AXDND1: variants seen among roughly 807,000 people sequenced by gnomAD.
AXDND1 encodes the protein axonemal dynein light chain domain containing 1.
Under a neutral mutation model 137.5 loss-of-function variants are expected in AXDND1, and 110 were observed. That is an observed-to-expected ratio of 0.80 (90% CI 0.69 to 0.94). AXDND1 has a LOEUF of 0.94. Ranked by LOEUF, AXDND1 falls within the 40% of genes least tolerant of loss-of-function variation. The pLI, the probability that AXDND1 is intolerant of heterozygous loss-of-function variation, is 0.00. For missense variants in AXDND1, 1,191 were observed against 1,169.8 expected (o/e 1.02, Z -0.26); for synonymous variants, 414 against 399.7 (o/e 1.04, Z -0.43).
intron 25 of AXDND1, among the ~76,000 whole-genome samples, chr1:179,549,638 CCTTCTT>C (rs1673007374): frequency 6.6e-6 from 1 of 152,076 alleles, no homozygotes; most frequent in Non-Finnish European, 1.5e-5. Context: ...CATGACTCTA[CCTTCTT>C]CTTCATTACA....
intron 20 of AXDND1, among the ~76,000 whole-genome samples, chr1:179,496,867 G>A (rs567513891): frequency 6.6e-6 from 1 of 152,092 alleles, no homozygotes; most frequent in East Asian, 1.9e-4. Flanking sequence ...TGTTTTAGCT[G>A]CATCTCACAG....
chr1:179,549,230 G>T (rs928260673), intron 25 of AXDND1, among the ~76,000 whole-genome samples: 1 of 152,166 alleles, frequency 6.6e-6, no homozygotes, highest in Non-Finnish European at 1.5e-5. Flanking sequence ...CAGCACCTGG[G>T]TCAGCTCACC....
chr1:179,445,807 C>A (rs1659657066), intron 16 of AXDND1, among the ~76,000 whole-genome samples: 1 of 152,158 alleles, frequency 6.6e-6, no homozygotes, highest in Non-Finnish European at 1.5e-5. Flanking sequence ...CTGACATAGA[C>A]ATTTATTACA....
intron 20 of AXDND1, among the ~76,000 whole-genome samples, chr1:179,497,907 C>A (rs116264169): frequency 3.9e-5 from 6 of 152,040 alleles, no homozygotes; most frequent in Admixed American, 3.9e-4. Flanking sequence ...ATTCCACTTA[C>A]AATAGCCACA....
intron 16 of AXDND1, among the ~76,000 whole-genome samples, chr1:179,464,844 T>G (rs1489571042): frequency 6.6e-6 from 1 of 152,144 alleles, no homozygotes; most frequent in African/African-American, 2.4e-5. Context: ...AACTTCTCTT[T>G]TTGCTTCATT....
At chr1:179,511,044 G>A (rs887638966) in intron 21 of AXDND1, among the ~76,000 whole-genome samples, 3 of 151,822 alleles carry the variant, frequency 2.0e-5, no homozygotes, top group African/African-American at 7.3e-5. Flanking sequence ...AGAGTCTCCT[G>A]TAGTCCCAGC....
chr1:179,451,717 A>C (rs111640507), intron 16 of AXDND1: 3,754 of 152,500 alleles, frequency 0.025, 155 homozygotes, highest in African/African-American at 0.084. Flanking sequence ...TTTATAAGGT[A>C]GAGTTTCCCT....
chr1:179,504,554 G>C (rs1392629459), intron 20 of AXDND1, among the ~76,000 whole-genome samples: 1 of 152,196 alleles, frequency 6.6e-6, no homozygotes, highest in Non-Finnish European at 1.5e-5. Flanking sequence ...ATAGCCATAT[G>C]GAGGACACTA....
intron 15 of AXDND1, among the ~76,000 whole-genome samples, chr1:179,432,676 T>C (rs2125318079): frequency 6.6e-6 from 1 of 152,284 alleles, no homozygotes; most frequent in African/African-American, 2.4e-5. Flanking sequence ...TCCACCCACC[T>C]CGGCCTCCCA....
chr1:179,367,440 G>C (rs1372790926), intron 2 of AXDND1, among the ~76,000 whole-genome samples: 2 of 152,010 alleles, frequency 1.3e-5, no homozygotes, highest in South Asian at 4.1e-4. Context: ...GCTTGAACCC[G>C]GGAGGTGGAG....
At chr1:179,456,557 G>T in intron 16 of AXDND1, 1 of 777,186 alleles carries the variant, frequency 1.3e-6, no homozygotes, top group South Asian at 1.4e-5. Context: ...TGCTTCCTCC[G>T]GAGTAACCAG....
chr1:179,426,156 G>A (rs984128366), intron 12 of AXDND1, among the ~76,000 whole-genome samples: 2 of 151,890 alleles, frequency 1.3e-5, no homozygotes, highest in Non-Finnish European at 2.9e-5. Flanking sequence ...TAAGTATGAC[G>A]GGAAATCTTA....
At chr1:179,380,201 A>T (rs1049464878) in intron 6 of AXDND1, among the ~76,000 whole-genome samples, 7 of 152,062 alleles carry the variant, frequency 4.6e-5, no homozygotes, top group African/African-American at 1.7e-4. Flanking sequence ...GTGAGCTGAG[A>T]TCGCGCCACT....
chr1:179,406,021 C>A (rs1332237024), intron 11 of AXDND1, among the ~76,000 whole-genome samples: 1 of 151,896 alleles, frequency 6.6e-6, no homozygotes, highest in Non-Finnish European at 1.5e-5. Flanking sequence ...TATGAACTTC[C>A]CTCTTAGCAC....
chr1:179,501,730 A>C (rs560244036), intron 20 of AXDND1, among the ~76,000 whole-genome samples: 69 of 152,170 alleles, frequency 4.5e-4, no homozygotes, highest in African/African-American at 1.5e-3. Context: ...AAAACAAAAC[A>C]ACAACAAAAA....
chr1:179,467,869 A>AT (rs1261503652), intron 16 of AXDND1, among the ~76,000 whole-genome samples: 3 of 152,156 alleles, frequency 2.0e-5, no homozygotes, highest in Non-Finnish European at 4.4e-5. Flanking sequence ...TTCATTTTGT[A>AT]TTTTGCAAAT....
At chr1:179,477,882 A>G (rs1048816038) in intron 17 of AXDND1, among the ~76,000 whole-genome samples, 8 of 152,218 alleles carry the variant, frequency 5.3e-5, no homozygotes, top group Non-Finnish European at 8.8e-5. Context: ...CAAAGGGGCT[A>G]CAGACATTGG....
intron 19 of AXDND1, among the ~76,000 whole-genome samples, chr1:179,492,647 G>A (rs60297677): frequency 6.6e-6 from 1 of 151,992 alleles, no homozygotes; most frequent in African/African-American, 2.4e-5. Context: ...AGAATAAGAG[G>A]GATGGAAGGG....
chr1:179,389,776 G>A (rs147352544), intron 9 of AXDND1, among the ~76,000 whole-genome samples: 1 of 152,242 alleles, frequency 6.6e-6, no homozygotes, highest in African/African-American at 2.4e-5. Flanking sequence ...GTAATGGGAA[G>A]GTCCTTCAGA....
Sources: allele counts gnomAD v4.1 joint callset (sites outside exome capture counted in the v4.1 genomes callset), GRCh38; gene constraint gnomAD v4.1.1; transcripts MANE v1.5; gene names NCBI Gene and HGNC (gene_info 2026-07-23, HGNC 2026-07-21).